XRN1: variants seen among roughly 807,000 people sequenced by gnomAD.
The protein encoded by XRN1 is 5'-3' exoribonuclease 1.
XRN1 carries 67 observed loss-of-function variants against 222.3 expected under a neutral mutation model. That is an observed-to-expected ratio of 0.30 (90% CI 0.25 to 0.37). XRN1 has a LOEUF of 0.37. XRN1 is among the 10% of genes least tolerant of loss of function. The pLI, the probability that XRN1 is intolerant of heterozygous loss-of-function variation, is 1.00. For missense variants in XRN1, 1,707 were observed against 2,000.2 expected (o/e 0.85, Z 2.80); for synonymous variants, 643 against 652.4 (o/e 0.99, Z 0.22).
At chr3:142,414,403 T>C (rs944857628) in intron 13 of XRN1, 112 bp from the exon 14 acceptor site, 2 of 806,538 alleles carry the variant, frequency 2.5e-6, no homozygotes, top group African/African-American at 3.6e-5. Context: ...TTTAAAAAAT[T>C]AGTACTGCCC....
intron 37 of XRN1, among the ~76,000 whole-genome samples, chr3:142,322,688 CAAAA>C (rs199808528): frequency 6.6e-6 from 1 of 150,634 alleles, no homozygotes; most frequent in African/African-American, 2.4e-5. Context: ...AACAAACAAA[CAAAA>C]AAAAATTGTT....
chr3:142,323,910 C>A (rs2065436389), intron 37 of XRN1, among the ~76,000 whole-genome samples: 1 of 151,306 alleles, frequency 6.6e-6, no homozygotes, highest in Admixed American at 6.6e-5. Context: ...ATAATTATAA[C>A]ACACATTTAT....
rs977580617 is a variant in XRN1 at position 142,324,023 on chromosome 3, A to T, written c.4405-5120T>A. On this transcript the variant is annotated intron_variant, in intron 37 of 40. Transcript: ENST00000392981. ...AAGTATTTATCATTTTTGCTGTGTT[A>T]GGAACATTTCAATTCCACTCTTTTG... is the stretch of plus-strand genomic sequence containing the variant. Among the ~76,000 whole-genome samples, 15 of 152,188 alleles carry T rather than the reference A, an allele frequency of 9.9e-5. No homozygotes were observed. The East Asian group carries it at 2.9e-3, about 29-fold the overall frequency.
At chr3:142,407,162 T>C (rs546392259) in intron 15 of XRN1, among the ~76,000 whole-genome samples, 3 of 152,344 alleles carry the variant, frequency 2.0e-5, no homozygotes, top group African/African-American at 7.2e-5. Flanking sequence ...AGTCAGTGTC[T>C]TTCTGGGGCA....
intron 2 of XRN1, among the ~76,000 whole-genome samples, chr3:142,427,611 T>C (rs1364909518): frequency 1.3e-5 from 2 of 152,198 alleles, no homozygotes; most frequent in African/African-American, 2.4e-5. Context: ...GAAATATCTA[T>C]CTTTGTGTTT....
chr3:142,311,701 A>C lies in XRN1; in HGVS notation c.4895T>G (p.Val1632Gly). 1 of 1,614,182 alleles carries C rather than the reference A, an allele frequency of 6.2e-7. No individual in the cohort carries two copies. Among genetic ancestry groups the C allele is most frequent in the Non-Finnish European group, 8.5e-7 (1 of 1,180,006 alleles). The change falls in exon 41 of 41, where the codon GTA (valine) becomes GGA (glycine). Residue 1632 changes from valine to glycine, a missense_variant. Around this residue, in one of 2 missense-constraint regions of XRN1, gnomAD observed 473 missense variants for 482.0 expected, o/e 0.98. Transcript: ENST00000392981. ...AGCTGATGAGCTCTCCCGTGGACTT[A>C]CTTTGACAATGTTGGAAGAATCTGG... ...SQPDSSNIVK[V>G]SPRESSSASL...
Position 142,402,183 on chromosome 3 carries a change from T to A in XRN1, c.2103+1491A>T, listed in dbSNP as rs548383803. Among the ~76,000 whole-genome samples, 6 of 151,552 alleles carry A rather than the reference T, an allele frequency of 4.0e-5. No individual in the cohort carries two copies. In the South Asian group the frequency reaches 1.0e-3, roughly 26 times the overall value. ...TTAACTGTATATAAATAGCCTTTCTTTTTTTTTTCCTTTTTTGAGATGGAG... is the reference window on the plus strand; with the variant it reads ...TTAACTGTATATAAATAGCCTTTCTATTTTTTTTCCTTTTTTGAGATGGAG... On this transcript the variant is annotated intron_variant, in intron 18 of 40. Transcript: ENST00000392981.
chr3:142,423,619 A>G lies in XRN1; in HGVS notation c.651T>C (p.His217=), dbSNP rs1277234036. 4 of 1,595,106 alleles carry G rather than the reference A, an allele frequency of 2.5e-6. No individual in the cohort carries two copies. The highest frequency in any genetic ancestry group is 2.3e-5 in the East Asian group (1 of 44,044). The change falls in exon 6 of 41, where the codon CAT becomes CAC. Residue 217 remains histidine, a synonymous_variant. Coordinates refer to ENST00000392981, the MANE Select transcript of XRN1 (RefSeq NM_001282857.2). ...ADLIMLGLTS[H]EAHFSLLREE... ...CTCTTAAGAGAGAAAAATGTGCCTCATGACTTGTTAATCCAAGCATAATCT... is the reference window on the plus strand; with the variant it reads ...CTCTTAAGAGAGAAAAATGTGCCTCGTGACTTGTTAATCCAAGCATAATCT...
intron 20 of XRN1, among the ~76,000 whole-genome samples, chr3:142,391,231 A>T (rs1450324527): frequency 6.6e-6 from 1 of 152,230 alleles, no homozygotes; most frequent in Non-Finnish European, 1.5e-5. Flanking sequence ...TTTGTAAAAA[A>T]AAATGCAACT....
intron 39 of XRN1, among the ~76,000 whole-genome samples, chr3:142,315,769 C>T (rs1345610016): frequency 6.6e-6 from 1 of 152,090 alleles, no homozygotes; most frequent in African/African-American, 2.4e-5. Flanking sequence ...CCCACCTCTG[C>T]CTCCCAAACT....
intron 18 of XRN1, among the ~76,000 whole-genome samples, chr3:142,401,135 C>T (rs1399594646): frequency 6.6e-6 from 1 of 152,054 alleles, no homozygotes; most frequent in Non-Finnish European, 1.5e-5. Flanking sequence ...CTAAGAAATA[C>T]AAGCTCATTT....
At chr3:142,375,636 G>C (rs928584696) in intron 25 of XRN1, among the ~76,000 whole-genome samples, 162 bp downstream of exon 25, 1 of 152,032 alleles carries the variant, frequency 6.6e-6, no homozygotes, top group Admixed American at 6.5e-5. Flanking sequence ...ATTTTAGCTA[G>C]TGCCTATGAT....
intron 20 of XRN1, among the ~76,000 whole-genome samples, chr3:142,391,749 A>ATATAT (rs1470611038): frequency 8.7e-5 from 9 of 103,460 alleles, no homozygotes; most frequent in African/African-American, 3.2e-4. Flanking sequence ...AAAAAAAAAA[A>ATATAT]ATATATATAT....
At chr3:142,417,610 T>C (rs532536625) in intron 12 of XRN1, among the ~76,000 whole-genome samples, 12 of 152,196 alleles carry the variant, frequency 7.9e-5, no homozygotes, top group Non-Finnish European at 1.8e-4. Flanking sequence ...GGATGATATC[T>C]GAGAGAAGCA....
At chr3:142,356,872 TA>T in intron 31 of XRN1, 39 bp downstream of exon 31, 1 of 1,573,420 alleles carries the variant, frequency 6.4e-7, no homozygotes, top group Non-Finnish European at 8.7e-7. Context: ...TTGTGATTTG[TA>T]AAAGGGGTAG....
rs73238191 is a variant in XRN1, at chr3:142,432,529, A to C, written c.308+132T>G. 10 of 827,170 alleles carry C rather than the reference A, an allele frequency of 1.2e-5. No individual in the cohort carries two copies. In the African/African-American group the frequency reaches 1.7e-4, roughly 14 times the overall value. 51.2% of individuals were successfully genotyped at this position (827,170 alleles called of 1,614,324 possible). A position where few individuals can be genotyped will look rare whatever the true frequency, so the allele number is the denominator to read the frequency against. ...TCGACTGGTAAAATATGACACTGAG[A>C]TATTTCCATTTCTGGGGGAGTTTAC... is the stretch of plus-strand genomic sequence containing the variant. On this transcript the variant is annotated intron_variant, in intron 2 of 40. Transcript: ENST00000392981.
chr3:142,414,085 A>C (rs1261379544), intron 14 of XRN1, 50 bp downstream of exon 14: 1 of 1,459,616 alleles, frequency 6.9e-7, no homozygotes, highest in East Asian at 2.5e-5. Context: ...TTGGAGGAAG[A>C]GCTTCTAAAT....
chr3:142,338,966 CCT>C lies in XRN1; in HGVS notation c.3878-3459_3878-3458del, dbSNP rs2065915636. On this transcript the variant is annotated intron_variant, in intron 33 of 40. Coordinates refer to ENST00000392981, the MANE Select transcript of XRN1 (RefSeq NM_001282857.2). ...ATTTCTAAGGTTTTTAAATTCAGAC[CCT>C]GTCTCCTGGATGGCATCTCAGGATC... Among the ~76,000 whole-genome samples, 4 of 152,208 alleles carry C rather than the reference CCT, an allele frequency of 2.6e-5. No homozygotes were observed. The South Asian group carries it at 8.3e-4, about 32-fold the overall frequency.
At chr3:142,396,390 C>T (rs1471551991) in intron 20 of XRN1, among the ~76,000 whole-genome samples, 1 of 152,138 alleles carries the variant, frequency 6.6e-6, no homozygotes, top group Non-Finnish European at 1.5e-5. Context: ...TCTTATGGTG[C>T]ATACTATCTA....
Sources: allele counts gnomAD v4.1 joint callset (sites outside exome capture counted in the v4.1 genomes callset), GRCh38; gene constraint gnomAD v4.1.1; regional missense constraint gnomAD v4.1.1; transcripts MANE v1.5; gene names NCBI Gene and HGNC (gene_info 2026-07-23, HGNC 2026-07-21).